The following LRRIQ1 variants were observed in gnomAD, a reference collection of about 807,000 sequenced individuals.
LRRIQ1 encodes the protein leucine-rich repeat- and IQ domain-containing protein 1.
A neutral mutation model predicts 211.9 loss-of-function variants in LRRIQ1; 210 were observed. The observed-to-expected ratio is 0.99, with a 90% CI of 0.89 to 1.11. LRRIQ1 has a LOEUF of 1.11. LRRIQ1 is among the 50% of genes most tolerant of loss of function. The pLI is 0.00. For missense variants in LRRIQ1, 2,136 were observed against 1,939.5 expected (o/e 1.10, Z -1.90); for synonymous variants, 699 against 650.1 (o/e 1.08, Z -1.14).
chr12:85,056,888 A>G lies in LRRIQ1; in HGVS notation c.2095A>G (p.Lys699Glu). Residue 699 changes from lysine to glutamate, a missense_variant, in exon 8 of 27, where the codon AAA becomes GAA. Transcript: ENST00000393217. ...TAATGCAGAAAGCTCCATGGTATCT[A>G]AAGAAGTCAACTCTCTTAAATCTGA... ...NYNAESSMVS[K>E]EVNSLKSEIR... 6.2e-7 allele frequency: 1 copy of G among 1,613,520 alleles called. No individual in the cohort carries two copies. Among genetic ancestry groups the G allele is most frequent in the Non-Finnish European group, 8.5e-7 (1 of 1,179,626 alleles).
At chr12:85,128,939 T>G (rs565246240) in intron 18 of LRRIQ1, among the ~76,000 whole-genome samples, 2 of 152,318 alleles carry the variant, frequency 1.3e-5, no homozygotes, top group East Asian at 3.9e-4. Context: ...AAGTGTTGAC[T>G]GGGGCCTTAG....
intron 26 of LRRIQ1, among the ~76,000 whole-genome samples, chr12:85,234,164 A>T (rs987691695): frequency 1.3e-5 from 2 of 152,056 alleles, no homozygotes; most frequent in African/African-American, 4.8e-5. Flanking sequence ...TTGAGCCTAG[A>T]AGATGGAAAT....
At chr12:85,178,187 A>C (rs1766853177) in intron 24 of LRRIQ1, among the ~76,000 whole-genome samples, 1 of 151,928 alleles carries the variant, frequency 6.6e-6, no homozygotes, top group Non-Finnish European at 1.5e-5. Flanking sequence ...ATGTTGTCTT[A>C]CCTGATACAT....
At chr12:85,225,236 C>T (rs1282496966) in intron 24 of LRRIQ1, among the ~76,000 whole-genome samples, 1 of 151,954 alleles carries the variant, frequency 6.6e-6, no homozygotes, top group African/African-American at 2.4e-5. Context: ...GGAGGATGTT[C>T]ACAGATTATA....
intron 19 of LRRIQ1, among the ~76,000 whole-genome samples, chr12:85,151,377 G>A (rs1890230111): frequency 6.6e-6 from 1 of 151,384 alleles, no homozygotes; most frequent in African/African-American, 2.4e-5. Context: ...CACTGTAATT[G>A]TGTGAATGAA....
intron 1 of LRRIQ1, among the ~76,000 whole-genome samples, chr12:85,262,545 T>C (rs1215445819): frequency 1.3e-5 from 2 of 151,926 alleles, no homozygotes; most frequent in African/African-American, 4.8e-5. Context: ...ATTATAATAA[T>C]ATAAATAATT....
chr12:85,154,406 A>G (rs188568883), intron 23 of LRRIQ1, among the ~76,000 whole-genome samples: 1 of 151,438 alleles, frequency 6.6e-6, no homozygotes, highest in African/African-American at 2.4e-5. Context: ...TGTTGACTCT[A>G]AAGAGTATCT....
At chr12:85,134,038 A>G (rs1014682605) in intron 18 of LRRIQ1, among the ~76,000 whole-genome samples, 3 of 152,146 alleles carry the variant, frequency 2.0e-5, no homozygotes, top group Non-Finnish European at 4.4e-5. Flanking sequence ...TATTGGCAGC[A>G]GTAGAAGCTA....
chr12:85,153,873 A>T (rs1476260877), intron 22 of LRRIQ1, 115 bp downstream of exon 22: 6 of 932,560 alleles, frequency 6.4e-6, no homozygotes, highest in Non-Finnish European at 9.4e-6. Flanking sequence ...TAAATTGTCC[A>T]TCCAATTTAG....
At chr12:85,049,601 G>A (rs772964074) in intron 6 of LRRIQ1, among the ~76,000 whole-genome samples, 2 of 152,020 alleles carry the variant, frequency 1.3e-5, no homozygotes, top group Non-Finnish European at 2.9e-5. Flanking sequence ...AAGAAAAATC[G>A]TGAGATCATT....
intron 11 of LRRIQ1, chr12:85,076,653 G>T (rs1161658604): frequency 2.1e-5 from 8 of 382,300 alleles, no homozygotes; most frequent in African/African-American, 4.4e-5. Flanking sequence ...TTGCTGTGTC[G>T]TGGCTCATAG....
At chr12:85,074,743 A>T (rs1883455420) in intron 11 of LRRIQ1, among the ~76,000 whole-genome samples, 1 of 152,078 alleles carries the variant, frequency 6.6e-6, no homozygotes, top group African/African-American at 2.4e-5. Flanking sequence ...TGTGTTTTCT[A>T]TATGAGATGT....
intron 18 of LRRIQ1, among the ~76,000 whole-genome samples, chr12:85,132,093 A>C (rs1166039265): frequency 6.6e-6 from 1 of 151,740 alleles, no homozygotes; most frequent in Non-Finnish European, 1.5e-5. Flanking sequence ...AGAAGCCCAG[A>C]CCCTGATGAT....
At chr12:85,111,908 T>C (rs1430112560) in intron 15 of LRRIQ1, among the ~76,000 whole-genome samples, 1 of 150,710 alleles carries the variant, frequency 6.6e-6, no homozygotes, top group Non-Finnish European at 1.5e-5. Context: ...ATATGTACCA[T>C]ATATATGTAT....
chr12:85,087,338 T>A (rs1056020909), intron 11 of LRRIQ1, among the ~76,000 whole-genome samples: 3 of 152,226 alleles, frequency 2.0e-5, no homozygotes, highest in African/African-American at 7.2e-5. Context: ...TAATCCAGTC[T>A]ATCATTGATA....
At chr12:85,194,380 G>A (rs1394902477) in intron 24 of LRRIQ1, among the ~76,000 whole-genome samples, 3 of 136,576 alleles carry the variant, frequency 2.2e-5, no homozygotes, top group East Asian at 2.1e-4. Flanking sequence ...ATTTTTTTCA[G>A]CACCACACCA....
At chr12:85,217,506 A>ATG (rs1375478660) in intron 24 of LRRIQ1, among the ~76,000 whole-genome samples, 1,143 of 69,762 alleles carry the variant, frequency 0.016, 16 homozygotes, top group East Asian at 0.032. Flanking sequence ...ATATATATAT[A>ATG]TATGTGTGTG....
chr12:85,208,288 T>C (rs1191921382), intron 24 of LRRIQ1, among the ~76,000 whole-genome samples: 1 of 152,066 alleles, frequency 6.6e-6, no homozygotes, highest in Admixed American at 6.6e-5. Flanking sequence ...TAGTAAGTTA[T>C]TGCTGAGAAT....
intron 23 of LRRIQ1, among the ~76,000 whole-genome samples, chr12:85,157,642 C>T (rs772887106): frequency 4.6e-5 from 7 of 151,840 alleles, no homozygotes; most frequent in Non-Finnish European, 8.8e-5. Context: ...TTATTGAAAA[C>T]ATGCAGGGTC....
Sources: gnomAD v4.1 joint callset for allele counts (sites outside exome capture counted in the v4.1 genomes callset) on GRCh38, gnomAD v4.1.1 for gene constraint, MANE v1.5 for transcripts, NCBI Gene and HGNC (gene_info 2026-07-23, HGNC 2026-07-21) for gene names.